The following RBM14 variants were observed in gnomAD, a reference collection of about 807,000 sequenced individuals.
RBM14 encodes the protein RNA-binding protein 14.
RBM14 carries 5 observed loss-of-function variants against 52.8 expected under a neutral mutation model. The observed-to-expected ratio is 0.09, with a 90% confidence interval of 0.05 to 0.20. The LOEUF (loss-of-function observed/expected upper bound fraction) is 0.20. Among genes scored for constraint, RBM14 ranks in the 10% least tolerant of loss-of-function variants. The probability of loss-of-function intolerance (pLI) is 1.00; values close to 1 mark genes in which losing one functional copy is unlikely to be tolerated. For synonymous variants in RBM14, 411 were observed against 401.8 expected (o/e 1.02, Z -0.28); for missense variants, 780 against 926.6 (o/e 0.84, Z 2.05).
At position 66,625,524 on chromosome 11, in the gene RBM14, G is replaced by C; in HGVS notation, c.1648G>C (p.Gly550Arg). The stretch of plus-strand genomic sequence containing the variant: ...CGGCCAGCCAGGCAATGCCTACGAT[G>C]GGGCAGGTCAGCCGTCTGCAGCCTA... The part of the protein sequence containing the change: ...YRGQPGNAYD[G>R]AGQPSAAYLS... The change falls in exon 2 of 3, where the codon GGG (glycine) becomes CGG (arginine). Residue 550 changes from glycine (G) to arginine (R), a missense_variant. Coordinates refer to ENST00000310137, the MANE Select transcript of RBM14 (RefSeq NM_006328.4). This position sits in a 1 kb window ranked among gnomAD's most constrained non-coding sequence, Gnocchi z 4.2. 1 of 1,612,710 alleles carries C rather than the reference G, an allele frequency of 6.2e-7. No homozygotes were observed. Among genetic ancestry groups the C allele is most frequent in the Non-Finnish European group, 8.5e-7 (1 of 1,179,480 alleles).
rs771465902 is a variant in RBM14 at position 66,628,420 on chromosome 11, C to T, written c.*1752C>T. Among the ~76,000 whole-genome samples the T allele has an allele frequency of 1.2e-4, 19 of 152,164 alleles. No homozygotes were observed. Among genetic ancestry groups the T allele is most frequent in the Non-Finnish European group, 2.4e-4 (16 of 68,026 alleles). On this transcript the variant is annotated 3_prime_UTR_variant, in exon 3 of 3. Transcript: ENST00000310137. ...CTTCACTGGCTTCATGTGAACTTGC[C>T]TGTGACAGAATATCTTGCCCTAGAT...
rs1215510907 is a variant in RBM14, at chr11:66,617,072, C to G, written c.337+15C>G. 2.6e-6 allele frequency: 4 copies of G among 1,555,936 alleles called. No individual in the cohort carries two copies. Among genetic ancestry groups the G allele is most frequent in the Non-Finnish European group, 3.5e-6 (4 of 1,149,032 alleles). ...CGTGGTGAAAGGTAACGCGGAGGCG[C>G]GCTCGGGGGCGGGGGCGCGCTCGGG... On this transcript the variant is annotated intron_variant, in intron 1 of 2. Transcript: ENST00000310137.
At position 66,628,039 on chromosome 11, in the gene RBM14, C is replaced by T. The variant is rs1271759786; in HGVS notation, c.*1371C>T. Among the ~76,000 whole-genome samples the T allele has an allele frequency of 6.6e-6, 1 of 151,974 alleles. No homozygotes were observed. Among genetic ancestry groups the T allele is most frequent in the Non-Finnish European group, 1.5e-5 (1 of 68,026 alleles). Reference sequence around the variant, plus strand: ...CTGTTAGGGTTTTCAGATGTCCTCTCGCTGGGTTTATATTTGAAGGTATAG... The same window carrying T: ...CTGTTAGGGTTTTCAGATGTCCTCTTGCTGGGTTTATATTTGAAGGTATAG... On this transcript the variant is annotated 3_prime_UTR_variant, in exon 3 of 3. Transcript: ENST00000310137.
rs367679848 is a variant in RBM14, at chr11:66,616,905, C to T, written c.185C>T (p.Pro62Leu). ...IEALHGHELR[P>L]GRALVVEMSR... ...GCCCTGCACGGCCACGAGCTGCGGC[C>T]GGGGCGCGCGCTCGTGGTGGAGATG... is the stretch of plus-strand genomic sequence containing the variant. Residue 62 changes from proline (P) to leucine (L), a missense_variant, in exon 1 of 3, where the codon CCG becomes CTG. Physicochemically the swap from Pro to Leu is moderately conservative, Grantham distance 98. Transcript: ENST00000310137. The T allele has an allele frequency of 1.6e-5, 26 of 1,611,514 alleles. No homozygotes were observed. The highest frequency in any genetic ancestry group is 2.2e-5 in the Non-Finnish European group (26 of 1,179,068).
chr11:66,621,823 T>A (rs1859125970), intron 1 of RBM14, among the ~76,000 whole-genome samples: 1 of 152,232 alleles, frequency 6.6e-6, no homozygotes, highest in Non-Finnish European at 1.5e-5. Context: ...CTGTAGCTGT[T>A]CATATCTTAC....
chr11:66,628,756 G>T lies in RBM14; in HGVS notation c.*2088G>T, dbSNP rs1316770813. Among the ~76,000 whole-genome samples, 2 of 152,130 alleles carry T rather than the reference G, an allele frequency of 1.3e-5. No homozygotes were observed. The highest frequency in any genetic ancestry group is 1.3e-4 in the Admixed American group (2 of 15,276). On this transcript the variant is annotated 3_prime_UTR_variant, in exon 3 of 3. Transcript: ENST00000310137. ...TGGAAAATTGAGGGTTGATGGTAGG[G>T]TTATGATTGTGGCCTGTGTATTTGC...
chr11:66,628,139 G>T lies in RBM14; in HGVS notation c.*1471G>T, dbSNP rs756297772. ...TGGGTGGGGAATTGAGGACTCTTCT[G>T]TGCTTTTATTGTAGGGCTGGGGATC... On this transcript the variant is annotated 3_prime_UTR_variant, in exon 3 of 3. Coordinates refer to ENST00000310137, the MANE Select transcript of RBM14 (RefSeq NM_006328.4). Among the ~76,000 whole-genome samples, 1 of 152,132 alleles carries T rather than the reference G, an allele frequency of 6.6e-6. No individual in the cohort carries two copies. The highest frequency in any genetic ancestry group is 1.5e-5 in the Non-Finnish European group (1 of 68,036).
chr11:66,624,342 G>C lies in RBM14; in HGVS notation c.466G>C (p.Gly156Arg), dbSNP rs766787818. ...LSTKGQKKGP[G>R]LAVQSGDKTK... ...CACCAAGGGTCAGAAGAAGGGGCCT[G>C]GCCTGGCTGTCCAGTCTGGGGACAA... Residue 156 changes from glycine (G) to arginine (R), a missense_variant, in exon 2 of 3, where the codon GGC (glycine) becomes CGC (arginine). Gly to Arg is a moderately radical substitution (Grantham distance 125). Around this residue, in one of 4 missense-constraint regions of RBM14, gnomAD observed 675 missense variants for 697.3 expected, o/e 0.97. Coordinates refer to ENST00000310137, the MANE Select transcript of RBM14 (RefSeq NM_006328.4). This position sits in a 1 kb window ranked among gnomAD's most constrained non-coding sequence, Gnocchi z 4.7. The C allele has an allele frequency of 6.2e-7, 1 of 1,614,016 alleles. No homozygotes were observed. The highest frequency in any genetic ancestry group is 1.7e-5 in the Admixed American group (1 of 60,000).
Position 66,629,574 on chromosome 11 carries a change from G to A in RBM14, c.*2906G>A, listed in dbSNP as rs920235155. On this transcript the variant is annotated 3_prime_UTR_variant, in exon 3 of 3. Transcript: ENST00000310137. Reference sequence around the variant, plus strand: ...TATTGTCCTATTAAGCCAAATAGGTGGACATCATGGGATGGATGAGGTCAT... The same window carrying A: ...TATTGTCCTATTAAGCCAAATAGGTAGACATCATGGGATGGATGAGGTCAT... Among the ~76,000 whole-genome samples, 13 of 152,142 alleles carry A rather than the reference G, an allele frequency of 8.5e-5. No homozygotes were observed. The highest frequency in any genetic ancestry group is 3.1e-4 in the African/African-American group (13 of 41,434).
intron 1 of RBM14, 99 bp downstream of exon 1, chr11:66,617,156 G>A: frequency 6.7e-7 from 1 of 1,487,596 alleles, no homozygotes; most frequent in Non-Finnish European, 8.9e-7. Context: ...CGGTTGGGAG[G>A]GGTGGGGAAG....
Position 66,625,573 on chromosome 11 carries a change from T to C in RBM14, c.1697T>C (p.Val566Ala). The C allele has an allele frequency of 6.2e-7, 1 of 1,612,112 alleles. No individual in the cohort carries two copies. The highest frequency in any genetic ancestry group is 8.5e-7 in the Non-Finnish European group (1 of 1,179,788). ...TACCTGTCCATGTCCCAGGGGGCCG[T>C]TGCCAACGCCAACAGCACCCCGCCG... is the stretch of plus-strand genomic sequence containing the variant. ...AAYLSMSQGA[V>A]ANANSTPPPY... Residue 566 changes from valine to alanine, a missense_variant, in exon 2 of 3, where the codon GTT becomes GCT. Physicochemically the swap from Val to Ala is moderately conservative, Grantham distance 64. Coordinates refer to ENST00000310137, the MANE Select transcript of RBM14 (RefSeq NM_006328.4). This position sits in a 1 kb window ranked among gnomAD's most constrained non-coding sequence, Gnocchi z 4.2.
intron 1 of RBM14, 46 bp downstream of exon 1, chr11:66,617,103 C>G: frequency 6.6e-7 from 1 of 1,522,736 alleles, no homozygotes; most frequent in Non-Finnish European, 8.8e-7. Flanking sequence ...TCGGGGCACT[C>G]TGCCTGTTAG....
rs1045291124 is a variant in RBM14, at chr11:66,618,689, A to G, written c.337+1632A>G. The stretch of plus-strand genomic sequence containing the variant: ...TGAGAGTTTTGTGTTTAATTGACTT[A>G]CCAAGTTTCTTTTGTGGTTGTTAGG... On this transcript the variant is annotated intron_variant, in intron 1 of 2. Coordinates refer to ENST00000310137, the MANE Select transcript of RBM14 (RefSeq NM_006328.4). 4 of 628,606 alleles carry G rather than the reference A, an allele frequency of 6.4e-6. No homozygotes were observed. In the African/African-American group the frequency reaches 7.3e-5, roughly 12 times the overall value. The allele number at this position is 628,606 out of a possible 1,614,324, so 38.9% of individuals were successfully genotyped here.
chr11:66,619,915 A>T (rs564153661), intron 1 of RBM14, among the ~76,000 whole-genome samples: 1 of 152,322 alleles, frequency 6.6e-6, no homozygotes, highest in East Asian at 1.9e-4. Context: ...GTTTTTCTGG[A>T]TTCACTTAAC....
intron 1 of RBM14, chr11:66,617,302 G>T (rs937456870): frequency 7.5e-7 from 1 of 1,329,670 alleles, no homozygotes; most frequent in African/African-American, 1.5e-5. Flanking sequence ...CCAAGCTACG[G>T]GGCCGGGGAC....
chr11:66,624,845 T>G lies in RBM14; in HGVS notation c.969T>G (p.Ala323=), dbSNP rs1369219216. ...TTTCCTCCTATGGGGGTCAGGCAGC[T>G]GCAGCTTCTTCGCTCAACTCCTATG... The part of the protein sequence containing the change: ...SALSSYGGQA[A]AASSLNSYGA... The change falls in exon 2 of 3, where the codon GCT becomes GCG. Residue 323 remains alanine (A), a synonymous_variant. Coordinates refer to ENST00000310137, the MANE Select transcript of RBM14 (RefSeq NM_006328.4). This position sits in a 1 kb window ranked among gnomAD's most constrained non-coding sequence, Gnocchi z 4.7. 4 of 1,613,682 alleles carry G rather than the reference T, an allele frequency of 2.5e-6. No individual in the cohort carries two copies. The highest frequency in any genetic ancestry group is 3.4e-6 in the Non-Finnish European group (4 of 1,179,898).
At chr11:66,617,644 G>C in intron 1 of RBM14, 2 of 875,498 alleles carry the variant, frequency 2.3e-6, no homozygotes, top group Non-Finnish European at 2.7e-6. Flanking sequence ...GGGTACGAGA[G>C]GGGCCCCTTC....
chr11:66,617,632 G>A (rs1858899722), intron 1 of RBM14: 1 of 930,644 alleles, frequency 1.1e-6, no homozygotes, highest in Non-Finnish European at 1.3e-6. Flanking sequence ...ACAGTTACAC[G>A]TGGGTACGAG....
rs1937736194 is a variant in RBM14, at chr11:66,625,272, G to T, written c.1396G>T (p.Val466Phe). 3 of 1,612,758 alleles carry T rather than the reference G, an allele frequency of 1.9e-6. No homozygotes were observed. Among genetic ancestry groups the T allele is most frequent in the Non-Finnish European group, 2.5e-6 (3 of 1,179,806 alleles). The change falls in exon 2 of 3, where the codon GTT becomes TTT. Residue 466 changes from valine to phenylalanine, a missense_variant. Coordinates refer to ENST00000310137, the MANE Select transcript of RBM14 (RefSeq NM_006328.4). The surrounding 1 kb of genome is among the most constrained non-coding windows in gnomAD (Gnocchi z 4.2). ...PMAGSYGAQP[V>F]VQTQLNSYGA... ...GGCTGGCTCCTATGGGGCCCAGCCG[G>T]TTGTGCAGACCCAGCTGAATAGTTA...
Sources: gnomAD v4.1 joint callset for allele counts (sites outside exome capture counted in the v4.1 genomes callset) on GRCh38, gnomAD v4.1.1 for gene constraint, gnomAD v4.1.1 regional missense constraint, Gnocchi (gnomAD v3.1) non-coding constraint, MANE v1.5 for transcripts, NCBI Gene and HGNC (gene_info 2026-07-23, HGNC 2026-07-21) for gene names.